Variants in NWD2 observed in about 807,000 individuals in gnomAD.
The protein encoded by NWD2 is NACHT and WD repeat domain-containing protein 2.
Under a neutral mutation model 132.7 loss-of-function variants are expected in NWD2, and 37 were observed. That is an observed-to-expected ratio of 0.28 (90% confidence interval 0.21 to 0.37). NWD2 has a LOEUF of 0.37. NWD2 is among the 10% of genes least tolerant of loss of function. The pLI is 1.00. For synonymous variants in NWD2, 705 were observed against 803.0 expected, an observed-to-expected ratio of 0.88 and a Z score of 2.06; for missense variants, 1,592 against 2,122.4, an observed-to-expected ratio of 0.75 and a Z score of 4.91.
intron 3 of NWD2, among the ~76,000 whole-genome samples, chr4:37,375,262 G>C (rs971895755): frequency 1.3e-5 from 2 of 152,112 alleles, no homozygotes; most frequent in Non-Finnish European, 2.9e-5. Flanking sequence ...AATGTTTATT[G>C]AAAGGAATTT....
intron 3 of NWD2, among the ~76,000 whole-genome samples, chr4:37,412,184 G>A (rs1305352420): frequency 2.0e-5 from 3 of 152,184 alleles, no homozygotes; most frequent in Non-Finnish European, 2.9e-5. Flanking sequence ...AGGAACAGAG[G>A]AAGTCAAATT....
intron 1 of NWD2, among the ~76,000 whole-genome samples, chr4:37,311,102 A>G (rs1187392757): frequency 6.6e-6 from 1 of 152,032 alleles, no homozygotes; most frequent in Non-Finnish European, 1.5e-5. Context: ...ATACGTGTGC[A>G]TGTGTCTTTA....
chr4:37,390,628 C>T (rs1720664371), intron 3 of NWD2, among the ~76,000 whole-genome samples: 1 of 152,108 alleles, frequency 6.6e-6, no homozygotes, highest in Non-Finnish European at 1.5e-5. Context: ...ATCTGTGCAG[C>T]TGAGGTTGAG....
chr4:37,308,330 G>A (rs564484156), intron 1 of NWD2, among the ~76,000 whole-genome samples: 18 of 152,270 alleles, frequency 1.2e-4, no homozygotes, highest in African/African-American at 3.8e-4. Context: ...GCACAGTAGT[G>A]TAGTGTCCAT....
intron 3 of NWD2, among the ~76,000 whole-genome samples, chr4:37,395,406 G>A (rs1484707293): frequency 6.6e-6 from 1 of 151,202 alleles, no homozygotes; most frequent in Non-Finnish European, 1.5e-5. Context: ...CACTGGGGAA[G>A]CAATACATCT....
chr4:37,308,428 G>A (rs896221682), intron 1 of NWD2, among the ~76,000 whole-genome samples: 3 of 152,198 alleles, frequency 2.0e-5, no homozygotes, highest in Non-Finnish European at 4.4e-5. Context: ...CAGCTTTGCT[G>A]AGAGGCCTGG....
chr4:37,316,384 T>C (rs1026381455), intron 1 of NWD2, among the ~76,000 whole-genome samples: 1 of 151,956 alleles, frequency 6.6e-6, no homozygotes, highest in Non-Finnish European at 1.5e-5. Flanking sequence ...TATGTGATAA[T>C]TTTTTTTCTC....
intron 3 of NWD2, among the ~76,000 whole-genome samples, chr4:37,373,665 A>G (rs908739957): frequency 9.9e-5 from 15 of 152,232 alleles, no homozygotes; most frequent in East Asian, 3.9e-4. Context: ...CTAAATATCT[A>G]TTAGATGCTG....
intron 1 of NWD2, among the ~76,000 whole-genome samples, chr4:37,245,611 C>G (rs1335128836): frequency 6.6e-6 from 1 of 151,916 alleles, no homozygotes; most frequent in African/African-American, 2.4e-5. Flanking sequence ...CAGTAGCTCT[C>G]CTCCCCGAGG....
chr4:37,310,472 A>G (rs1370331627), intron 1 of NWD2, among the ~76,000 whole-genome samples: 2 of 152,146 alleles, frequency 1.3e-5, no homozygotes, highest in Non-Finnish European at 2.9e-5. Flanking sequence ...AACTTCTAAG[A>G]TTTGGATAAA....
At chr4:37,315,256 T>G (rs992341977) in intron 1 of NWD2, among the ~76,000 whole-genome samples, 2 of 152,082 alleles carry the variant, frequency 1.3e-5, no homozygotes, top group Non-Finnish European at 2.9e-5. Flanking sequence ...TTCTGCTCTC[T>G]TGGGGGTGGA....
intron 2 of NWD2, among the ~76,000 whole-genome samples, chr4:37,329,276 C>T (rs1719239550): frequency 1.3e-5 from 2 of 152,046 alleles, no homozygotes; most frequent in Non-Finnish European, 2.9e-5. Flanking sequence ...CAACCAGACC[C>T]TCTTCTGAGG....
At chr4:37,417,350 C>CA (rs141952941) in intron 3 of NWD2, among the ~76,000 whole-genome samples, 14,806 of 149,618 alleles carry the variant, frequency 0.099, 1,546 homozygotes, top group African/African-American at 0.26. Context: ...AGAGCCATTG[C>CA]AAAAAAAATG....
intron 3 of NWD2, among the ~76,000 whole-genome samples, chr4:37,429,513 A>T (rs1317955269): frequency 5.9e-5 from 9 of 152,058 alleles, no homozygotes; most frequent in Admixed American, 5.9e-4. Context: ...ACGGGGTTTC[A>T]TCATGTTGGA....
At chr4:37,343,940 A>G (rs112435500) in intron 2 of NWD2, among the ~76,000 whole-genome samples, 2,291 of 152,314 alleles carry the variant, frequency 0.015, 63 homozygotes, top group African/African-American at 0.052. Context: ...AGCACATTAT[A>G]AAAAGCATGA....
intron 1 of NWD2, among the ~76,000 whole-genome samples, chr4:37,252,898 A>G (rs1717407629): frequency 6.6e-6 from 1 of 152,166 alleles, no homozygotes; most frequent in African/African-American, 2.4e-5. Context: ...TCTAGTCTAG[A>G]TTCAAGGTGG....
intron 2 of NWD2, among the ~76,000 whole-genome samples, chr4:37,330,729 G>T (rs1719279249): frequency 6.6e-6 from 1 of 152,078 alleles, no homozygotes; most frequent in Non-Finnish European, 1.5e-5. Flanking sequence ...CATTTAGTGG[G>T]GTTTTAGTAA....
chr4:37,260,822 G>A (rs963231656), intron 1 of NWD2, among the ~76,000 whole-genome samples: 6 of 152,116 alleles, frequency 3.9e-5, no homozygotes, highest in Non-Finnish European at 8.8e-5. Flanking sequence ...GTGAACCCTT[G>A]GATAGAAGGG....
At chr4:37,284,759 G>A (rs926920315) in intron 1 of NWD2, among the ~76,000 whole-genome samples, 3 of 152,186 alleles carry the variant, frequency 2.0e-5, no homozygotes, top group Non-Finnish European at 4.4e-5. Context: ...TGCTGTGATA[G>A]CCCTTGTAGT....
Sources: gnomAD v4.1 joint callset for allele counts (sites outside exome capture counted in the v4.1 genomes callset) on GRCh38, gnomAD v4.1.1 for gene constraint, MANE v1.5 for transcripts, NCBI Gene and HGNC (gene_info 2026-07-23, HGNC 2026-07-21) for gene names.